BCAR3: variants seen among roughly 807,000 people sequenced by gnomAD.
BCAR3 encodes BCAR3 adaptor protein, NSP family member.
BCAR3 carries 37 observed loss-of-function variants against 80.1 expected under a neutral mutation model. The ratio of observed to expected loss-of-function variants is 0.46; its 90% CI spans 0.36 to 0.61. The LOEUF is 0.61. Ranked by LOEUF, BCAR3 falls within the 20% of genes least tolerant of loss-of-function variation. The pLI, the probability that BCAR3 is intolerant of heterozygous loss-of-function variation, is 0.00. For synonymous variants in BCAR3, 389 were observed against 418.9 expected (o/e 0.93, Z 0.87); for missense variants, 978 against 1,068.2 (o/e 0.92, Z 1.18).
chr1:93,833,224 C>G (rs1654639071), intron 2 of BCAR3, among the ~76,000 whole-genome samples: 1 of 152,268 alleles, frequency 6.6e-6, no homozygotes, highest in African/African-American at 2.4e-5. Flanking sequence ...TAGCGATTTT[C>G]AAAGGGGAAG....
rs548293226 is a variant in BCAR3 at position 93,739,998 on chromosome 1, T to A, written c.-62-33856A>T. The stretch of plus-strand genomic sequence containing the variant: ...GTGCAGTGAGCCGAGATCATGCCAC[T>A]GCACTCCAGCCTGGGTGACAGAGTG... On this transcript the variant is annotated intron_variant, in intron 2 of 13. Coordinates refer to the BCAR3 transcript ENST00000370244. Among the ~76,000 whole-genome samples, 106 of 148,526 alleles carry A rather than the reference T, an allele frequency of 7.1e-4. 1 individual carries two copies. The highest frequency in any genetic ancestry group is 2.1e-3 in the African/African-American group (83 of 40,048).
intron 2 of BCAR3, among the ~76,000 whole-genome samples, chr1:93,736,909 G>C (rs1275383398): frequency 6.6e-6 from 1 of 152,194 alleles, no homozygotes; most frequent in Admixed American, 6.5e-5. Context: ...TGAAAGCATG[G>C]TCTACGGTCC....
chr1:93,818,666 C>T (rs1182064485), intron 2 of BCAR3, among the ~76,000 whole-genome samples: 4 of 152,196 alleles, frequency 2.6e-5, no homozygotes, highest in African/African-American at 9.7e-5. Context: ...ATATGTCAGG[C>T]ATTATTCTAG....
intron 2 of BCAR3, among the ~76,000 whole-genome samples, chr1:93,730,494 G>T (rs1650747511): frequency 1.3e-5 from 2 of 152,210 alleles, no homozygotes; most frequent in African/African-American, 4.8e-5. Context: ...GTGGTCCCTT[G>T]CTAAACATTT....
intron 2 of BCAR3, among the ~76,000 whole-genome samples, chr1:93,802,127 CAA>C (rs112615765): frequency 9.6e-5 from 11 of 114,300 alleles, no homozygotes; most frequent in African/African-American, 1.3e-4. Flanking sequence ...GACTCCATCT[CAA>C]AAAAAAAAAA....
intron 2 of BCAR3, among the ~76,000 whole-genome samples, chr1:93,830,166 T>G (rs544188191): frequency 1.3e-5 from 2 of 152,186 alleles, no homozygotes; most frequent in Admixed American, 6.5e-5. Context: ...CTTTTTTTTA[T>G]AAATTACCCA....
chr1:93,584,847 A>G, intron 5 of BCAR3: 2 of 421,646 alleles, frequency 4.7e-6, no homozygotes, highest in Non-Finnish European at 6.4e-6. Flanking sequence ...TCCAGCACCA[A>G]GCACCAGAAT....
chr1:93,621,813 T>C (rs1675324016), intron 3 of BCAR3, among the ~76,000 whole-genome samples: 1 of 152,158 alleles, frequency 6.6e-6, no homozygotes, highest in South Asian at 2.1e-4. Flanking sequence ...GTCACAGATA[T>C]CGTTTCACCT....
In BCAR3 at chr1:93,757,618, T is replaced by TTGC. The variant is rs1279724760; in HGVS notation, c.-62-51479_-62-51477dup. On this transcript the variant is annotated intron_variant, in intron 2 of 13. Coordinates refer to the BCAR3 transcript ENST00000370244. The stretch of plus-strand genomic sequence containing the variant: ...TTGGGAAAAGGCAATCCTGCATGGG[T>TTGC]TGCAGAGGGCTAGGCAGGCATCCTC... Among the ~76,000 whole-genome samples, 20 of 152,322 alleles carry TTGC rather than the reference T, an allele frequency of 1.3e-4. No individual in the cohort carries two copies. In the East Asian group the frequency reaches 3.9e-3, roughly 29 times the overall value.
intron 2 of BCAR3, among the ~76,000 whole-genome samples, chr1:93,822,391 G>C (rs373764034): frequency 1.3e-5 from 2 of 151,452 alleles, no homozygotes; most frequent in Admixed American, 6.6e-5. Context: ...CCAGGCTGGA[G>C]TGCAATGGCG....
intron 2 of BCAR3, among the ~76,000 whole-genome samples, chr1:93,782,415 T>C (rs1217495736): frequency 6.6e-6 from 1 of 152,206 alleles, no homozygotes; most frequent in African/African-American, 2.4e-5. Context: ...AATCCTGCCA[T>C]GGCTAATCTC....
intron 3 of BCAR3, among the ~76,000 whole-genome samples, chr1:93,628,123 C>T (rs987301254): frequency 3.9e-5 from 6 of 152,140 alleles, no homozygotes; most frequent in Non-Finnish European, 7.3e-5. Flanking sequence ...CACTAACGCA[C>T]ACCAAGCCAC....
intron 2 of BCAR3, among the ~76,000 whole-genome samples, chr1:93,814,643 G>A (rs958737299): frequency 6.6e-6 from 1 of 152,212 alleles, no homozygotes; most frequent in Admixed American, 6.5e-5. Flanking sequence ...TGCCCTGTGG[G>A]CCCATCTGGG....
intron 2 of BCAR3, among the ~76,000 whole-genome samples, chr1:93,822,987 A>T (rs1293047929): frequency 7.5e-6 from 1 of 133,164 alleles, no homozygotes; most frequent in African/African-American, 2.5e-5. Context: ...CCCATGAGTC[A>T]TGAAGGCAAT....
intron 2 of BCAR3, among the ~76,000 whole-genome samples, chr1:93,710,445 G>T (rs150113106): frequency 3.9e-5 from 6 of 152,330 alleles, no homozygotes; most frequent in Non-Finnish European, 4.4e-5. Flanking sequence ...TGGAGGATTG[G>T]CAGGGAGAGA....
intron 2 of BCAR3, among the ~76,000 whole-genome samples, chr1:93,829,161 G>A (rs181478383): frequency 1.3e-5 from 2 of 152,296 alleles, no homozygotes; most frequent in Admixed American, 1.3e-4. Context: ...GGCTTGAGGA[G>A]GCGGTGACTG....
chr1:93,780,865 T>C (rs979444936), intron 2 of BCAR3, among the ~76,000 whole-genome samples: 1 of 152,244 alleles, frequency 6.6e-6, no homozygotes, highest in Non-Finnish European at 1.5e-5. Context: ...TACTTTCACA[T>C]ATTTTATTTC....
chr1:93,568,441 G>A lies in BCAR3; in HGVS notation c.1975-590C>T, dbSNP rs1194533931. ...GTCAAAATTCAAGGCAGTATTGGAT[G>A]AGAGGAAATAAACATGATGCAAAGT... On this transcript the variant is annotated intron_variant, in intron 9 of 11. Transcript: ENST00000260502. Among the ~76,000 whole-genome samples the A allele has an allele frequency of 1.6e-4, 25 of 152,218 alleles. 1 individual carries two copies. The highest frequency in any genetic ancestry group is 1.6e-3 in the Admixed American group (24 of 15,284).
At chr1:93,790,418 A>C (rs1207558474) in intron 2 of BCAR3, among the ~76,000 whole-genome samples, 3 of 152,024 alleles carry the variant, frequency 2.0e-5, no homozygotes, top group Non-Finnish European at 2.9e-5. Context: ...CTTACCATTC[A>C]TTTTCTGCTG....
Sources: allele counts gnomAD v4.1 joint callset (sites outside exome capture counted in the v4.1 genomes callset), GRCh38; gene constraint gnomAD v4.1.1; transcripts MANE v1.5; gene names NCBI Gene and HGNC (gene_info 2026-07-23, HGNC 2026-07-21).